Variants in LUZP2 observed in about 807,000 individuals in gnomAD.
LUZP2 encodes the protein leucine zipper protein 2.
Under a neutral mutation model 51.6 loss-of-function variants are expected in LUZP2, and 52 were observed. The observed-to-expected ratio is 1.01, with a 90% CI of 0.81 to 1.27. The LOEUF is 1.27. Among genes scored for constraint, LUZP2 ranks in the 50% most tolerant of loss-of-function variants. The pLI, the probability that LUZP2 is intolerant of heterozygous loss-of-function variation, is 0.00. For synonymous variants in LUZP2, 154 were observed against 137.3 expected (o/e 1.12, Z -0.85); for missense variants, 436 against 395.4 (o/e 1.10, Z -0.87).
chr11:24,983,025 T>C lies in LUZP2; in HGVS notation c.598-101T>C. On this transcript the variant is annotated intron_variant, in intron 8 of 11. Transcript: ENST00000336930. Reference sequence around the variant, plus strand: ...GCAATTACATTTGAAAAGTGATATGTATTTTTGTGGGGAGTATAGGCTAAG... The same window carrying C: ...GCAATTACATTTGAAAAGTGATATGCATTTTTGTGGGGAGTATAGGCTAAG... The C allele has an allele frequency of 4.6e-6, 5 of 1,081,780 alleles. No individual in the cohort carries two copies. The South Asian group carries it at 8.0e-5, about 17-fold the overall frequency. 67.0% of individuals were successfully genotyped at this position (1,081,780 alleles called of 1,614,324 possible).
intron 5 of LUZP2, among the ~76,000 whole-genome samples, chr11:24,824,103 C>G (rs1344235076): frequency 6.6e-6 from 1 of 151,502 alleles, no homozygotes; most frequent in Non-Finnish European, 1.5e-5. Flanking sequence ...GTGGCTTATG[C>G]CTGTAATCCC....
At chr11:24,613,970 TG>T (rs1259781312) in intron 1 of LUZP2, among the ~76,000 whole-genome samples, 1 of 151,966 alleles carries the variant, frequency 6.6e-6, no homozygotes, top group Non-Finnish European at 1.5e-5. Flanking sequence ...AACTCTTTGG[TG>T]TGTGTTCTAT....
intron 5 of LUZP2, among the ~76,000 whole-genome samples, chr11:24,895,066 T>G (rs982322689): frequency 1.3e-5 from 2 of 152,210 alleles, no homozygotes; most frequent in Non-Finnish European, 1.5e-5. Flanking sequence ...GATTCTCAAA[T>G]TTTTAATCCC....
In LUZP2 at chr11:24,544,532, A is replaced by T. The variant is rs73431111; in HGVS notation, c.62+47227A>T. Among the ~76,000 whole-genome samples the T allele has an allele frequency of 6.8e-3, 1,037 of 152,204 alleles. 7 individuals are homozygous for T. Among genetic ancestry groups the T allele is most frequent in the African/African-American group, 0.024 (997 of 41,540 alleles). On this transcript the variant is annotated intron_variant, in intron 1 of 11. Coordinates refer to ENST00000336930, the MANE Select transcript of LUZP2 (RefSeq NM_001009909.4). ...TTTAGCTCCCTAGTAAAGTAAGAAT[A>T]TGTGGAATTTGGTTTTCTATTATAT...
intron 4 of LUZP2, among the ~76,000 whole-genome samples, chr11:24,755,540 C>T (rs56350467): frequency 0.19 from 28,591 of 152,108 alleles, 2,910 homozygotes; most frequent in East Asian, 0.42. Context: ...TTGCTTTTCT[C>T]TTATTAGTTT....
chr11:24,553,092 A>G (rs1039087373), intron 1 of LUZP2, among the ~76,000 whole-genome samples: 7 of 151,690 alleles, frequency 4.6e-5, no homozygotes, highest in African/African-American at 1.4e-4. Flanking sequence ...TTTTGCAAAG[A>G]CAATTGAGTC....
intron 1 of LUZP2, among the ~76,000 whole-genome samples, chr11:24,561,192 C>T (rs1231126436): frequency 6.6e-6 from 1 of 152,100 alleles, no homozygotes; most frequent in Non-Finnish European, 1.5e-5. Context: ...AAGCTTATAA[C>T]ATTATTGGGA....
intron 1 of LUZP2, among the ~76,000 whole-genome samples, chr11:24,600,215 A>ATG (rs1565018515): frequency 1.1e-4 from 16 of 145,450 alleles, no homozygotes; most frequent in Non-Finnish European, 2.3e-4. Context: ...ACACACACAC[A>ATG]CACGCACAAT....
chr11:24,813,731 C>A (rs562568282), intron 5 of LUZP2, among the ~76,000 whole-genome samples: 1 of 152,306 alleles, frequency 6.6e-6, no homozygotes, highest in East Asian at 1.9e-4. Context: ...TATATCAGAG[C>A]CTTTGCTCCA....
intron 1 of LUZP2, among the ~76,000 whole-genome samples, chr11:24,568,433 CATGAG>C (rs2133793572): frequency 6.7e-6 from 1 of 148,270 alleles, no homozygotes; most frequent in East Asian, 2.0e-4. Context: ...ATCACTGTAA[CATGAG>C]ATGAAGAATA....
At chr11:24,654,368 TTTAAC>T (rs1225835480) in intron 1 of LUZP2, among the ~76,000 whole-genome samples, 2 of 152,202 alleles carry the variant, frequency 1.3e-5, no homozygotes, top group Admixed American at 6.5e-5. Context: ...GAAGTGATGA[TTTAAC>T]TTATTAAACA....
intron 10 of LUZP2, among the ~76,000 whole-genome samples, chr11:25,050,620 T>G (rs189671738): frequency 9.8e-4 from 149 of 152,256 alleles, no homozygotes; most frequent in Non-Finnish European, 1.6e-3. Context: ...GTTCTTTTGT[T>G]ATGAATCAGG....
At chr11:24,681,274 C>T (rs973035608) in intron 1 of LUZP2, among the ~76,000 whole-genome samples, 1 of 152,204 alleles carries the variant, frequency 6.6e-6, no homozygotes, top group Non-Finnish European at 1.5e-5. Flanking sequence ...AGCCACCGCG[C>T]CCGGCCTAAT....
At chr11:24,991,281 G>T (rs1476859643) in intron 9 of LUZP2, among the ~76,000 whole-genome samples, 3 of 151,372 alleles carry the variant, frequency 2.0e-5, no homozygotes, top group African/African-American at 4.8e-5. Context: ...CATCCAGGTT[G>T]CTGCGAATGC....
At chr11:24,791,520 A>G (rs187974019) in intron 5 of LUZP2, among the ~76,000 whole-genome samples, 3 of 151,850 alleles carry the variant, frequency 2.0e-5, no homozygotes, top group Middle Eastern at 3.4e-3. Context: ...TACAACTTCT[A>G]TTTAAGGTTT....
At chr11:24,689,096 G>A (rs968971025) in intron 1 of LUZP2, among the ~76,000 whole-genome samples, 3 of 152,128 alleles carry the variant, frequency 2.0e-5, no homozygotes, top group African/African-American at 7.2e-5. Context: ...TTATGAAAAC[G>A]TTTTAGAGGA....
intron 10 of LUZP2, among the ~76,000 whole-genome samples, chr11:25,054,159 T>C (rs1479641610): frequency 1.3e-5 from 2 of 152,180 alleles, no homozygotes; most frequent in Non-Finnish European, 2.9e-5. Context: ...GGGGTGGTAG[T>C]TTTTCTGTAA....
At chr11:24,573,815 T>A (rs529262399) in intron 1 of LUZP2, among the ~76,000 whole-genome samples, 4 of 152,150 alleles carry the variant, frequency 2.6e-5, no homozygotes, top group Non-Finnish European at 5.9e-5. Context: ...TTCAGTCTTT[T>A]ATTACACAAG....
chr11:24,681,443 A>G (rs11028103), intron 1 of LUZP2, among the ~76,000 whole-genome samples: 1 of 152,042 alleles, frequency 6.6e-6, no homozygotes, highest in Non-Finnish European at 1.5e-5. Context: ...TTTCAAATCT[A>G]AGGAATTCTC....
Sources: allele counts gnomAD v4.1 joint callset (sites outside exome capture counted in the v4.1 genomes callset), GRCh38; gene constraint gnomAD v4.1.1; transcripts MANE v1.5; gene names NCBI Gene and HGNC (gene_info 2026-07-23, HGNC 2026-07-21).